GFOD1: variants seen among roughly 807,000 people sequenced by gnomAD.
GFOD1 encodes Gfo/Idh/MocA-like oxidoreductase domain containing 1, also known as glucose-fructose oxidoreductase domain-containing protein 1.
In GFOD1, 9 loss-of-function variants were observed where a neutral mutation model predicts 25.4. The ratio of observed to expected loss-of-function variants is 0.35; its 90% CI spans 0.21 to 0.62. The LOEUF (loss-of-function observed/expected upper bound fraction) is 0.62, where lower values mean the gene tolerates loss of function less well. Among genes scored for constraint, GFOD1 ranks in the 20% least tolerant of loss-of-function variants. GFOD1 has a pLI of 0.72. For missense variants in GFOD1, 403 were observed against 556.9 expected, an observed-to-expected ratio of 0.72 and a Z score of 2.78; for synonymous variants, 253 against 245.6, an observed-to-expected ratio of 1.03 and a Z score of -0.28.
intron 1 of GFOD1, among the ~76,000 whole-genome samples, chr6:13,433,027 C>T (rs1235377165): frequency 6.6e-6 from 1 of 152,166 alleles, no homozygotes; most frequent in Non-Finnish European, 1.5e-5. Context: ...TCATGCAGCC[C>T]CAGTCTACAT....
intron 1 of GFOD1, among the ~76,000 whole-genome samples, chr6:13,476,840 T>C (rs189114047): frequency 1.3e-5 from 2 of 152,282 alleles, no homozygotes; most frequent in Non-Finnish European, 2.9e-5. Flanking sequence ...TCAAGGAAAG[T>C]CTAAACCCCA....
intron 1 of GFOD1, among the ~76,000 whole-genome samples, chr6:13,483,547 A>G (rs551418769): frequency 6.6e-6 from 1 of 150,910 alleles, no homozygotes; most frequent in Non-Finnish European, 1.5e-5. Context: ...CAGTGTAGAT[A>G]GTGGCTAGAG....
At chr6:13,389,480 G>A (rs949893265) in intron 1 of GFOD1, among the ~76,000 whole-genome samples, 10 of 152,088 alleles carry the variant, frequency 6.6e-5, no homozygotes, top group Non-Finnish European at 1.3e-4. Context: ...GGATGAAGCT[G>A]GAAACCATCA....
intron 1 of GFOD1, among the ~76,000 whole-genome samples, chr6:13,442,106 C>T (rs1554203767): frequency 6.6e-6 from 1 of 152,210 alleles, no homozygotes; most frequent in Non-Finnish European, 1.5e-5. Context: ...CATGCAAACT[C>T]CATACAGACA....
intron 1 of GFOD1, among the ~76,000 whole-genome samples, chr6:13,457,107 G>A (rs372735930): frequency 4.6e-5 from 7 of 152,292 alleles, no homozygotes; most frequent in Admixed American, 2.0e-4. Flanking sequence ...GTCCACATCT[G>A]CCCAACACGG....
chr6:13,430,645 A>C lies in GFOD1; in HGVS notation c.253+55993T>G, dbSNP rs767237478. 1.3e-5 allele frequency among the ~76,000 whole-genome samples: 2 copies of C among 152,038 alleles called. No individual in the cohort carries two copies. Among genetic ancestry groups the C allele is most frequent in the Admixed American group, 6.6e-5 (1 of 15,264 alleles). ...TACAATGGGGAAGACTTAATGAAAG[A>C]AGCTCTTGGAGTCCACCTATGGCAG... On this transcript the variant is annotated intron_variant, in intron 1 of 1. Transcript: ENST00000379287. The surrounding 1 kb of genome is among the most constrained non-coding windows in gnomAD (Gnocchi z 4.1).
chr6:13,471,654 C>T (rs1758507859), intron 1 of GFOD1, among the ~76,000 whole-genome samples: 1 of 152,184 alleles, frequency 6.6e-6, no homozygotes, highest in South Asian at 2.1e-4. Context: ...CACCCATAGC[C>T]CAAGGTGGAG....
intron 1 of GFOD1, among the ~76,000 whole-genome samples, chr6:13,483,275 T>C (rs922818973): frequency 4.6e-5 from 7 of 151,866 alleles, no homozygotes; most frequent in East Asian, 1.9e-4. Flanking sequence ...AGGGCGAACA[T>C]GGAAGGAGAC....
chr6:13,476,071 C>G (rs925730385), intron 1 of GFOD1, among the ~76,000 whole-genome samples: 1 of 152,204 alleles, frequency 6.6e-6, no homozygotes, highest in Non-Finnish European at 1.5e-5. Context: ...CACTATACAA[C>G]TGAGCAATTT....
Position 13,477,955 on chromosome 6 carries a change from T to C in GFOD1, c.253+8683A>G, listed in dbSNP as rs368752974. ...CGCAAATGCCTGTAATCCCAGCTAC[T>C]TGGGAGACTGAGGCACAACAATTGC... is the stretch of plus-strand genomic sequence containing the variant. On this transcript the variant is annotated intron_variant, in intron 1 of 1. Transcript: ENST00000379287. 6.6e-5 allele frequency among the ~76,000 whole-genome samples: 10 copies of C among 151,944 alleles called. 1 individual carries two copies. The East Asian group carries it at 1.9e-3, about 30-fold the overall frequency.
chr6:13,450,299 C>T (rs1758072295), intron 1 of GFOD1, among the ~76,000 whole-genome samples: 1 of 152,192 alleles, frequency 6.6e-6, no homozygotes, highest in Admixed American at 6.5e-5. Flanking sequence ...GCCCAATCCT[C>T]TGTAGCATGA....
At chr6:13,461,566 G>A (rs997879289) in intron 1 of GFOD1, among the ~76,000 whole-genome samples, 6 of 152,058 alleles carry the variant, frequency 3.9e-5, no homozygotes, top group African/African-American at 7.2e-5. Context: ...TCCACCCTCC[G>A]CAGCAGGGTG....
At position 13,364,725 on chromosome 6, in the gene GFOD1, C is replaced by A. The variant is rs765327074; in HGVS notation, c.*18G>T. ...ATCCCCTGCAGAAGGCTCAAGTCCC[C>A]GAGGTTCTCAATCTGTGCTAACAGT... On this transcript the variant is annotated 3_prime_UTR_variant, in exon 2 of 2. Transcript: ENST00000379287. The surrounding 1 kb of genome is among the most constrained non-coding windows in gnomAD (Gnocchi z 4.1). 3 of 1,590,586 alleles carry A rather than the reference C, an allele frequency of 1.9e-6. No homozygotes were observed. The highest frequency in any genetic ancestry group is 2.7e-5 in the African/African-American group (2 of 74,612).
chr6:13,469,228 G>T, intron 1 of GFOD1: 1 of 985,156 alleles, frequency 1.0e-6, no homozygotes, highest in Non-Finnish European at 1.2e-6. Flanking sequence ...ACTCAGCCTG[G>T]AGCACACCAG....
At chr6:13,469,827 A>G (rs1455403611) in intron 1 of GFOD1, 1 of 1,126,936 alleles carries the variant, frequency 8.9e-7, no homozygotes, top group Non-Finnish European at 1.2e-6. Context: ...CTAAATGTCC[A>G]CATTGGAGGT....
In GFOD1 at chr6:13,486,847, C is replaced by T; in HGVS notation, c.44G>A (p.Arg15His). The T allele has an allele frequency of 6.2e-7, 1 of 1,613,206 alleles. No homozygotes were observed. The highest frequency in any genetic ancestry group is 8.5e-7 in the Non-Finnish European group (1 of 1,180,006). ...VGVFGTSLTA[R>H]VIIPLLKDEG... Reference sequence around the variant, plus strand: ...GTCTTTCAGCAGCGGGATGATGACACGGGCCGTGAGGCTGGTGCCGAACAC... The same window carrying T: ...GTCTTTCAGCAGCGGGATGATGACATGGGCCGTGAGGCTGGTGCCGAACAC... Residue 15 changes from arginine to histidine, a missense_variant, in exon 1 of 2, where the codon CGT becomes CAT. Coordinates refer to ENST00000379287, the MANE Select transcript of GFOD1 (RefSeq NM_018988.4).
intron 1 of GFOD1, among the ~76,000 whole-genome samples, chr6:13,419,891 G>A (rs1786224619): frequency 6.6e-6 from 1 of 152,190 alleles, no homozygotes; most frequent in Non-Finnish European, 1.5e-5. Context: ...CCCCATGGAG[G>A]CTGGCACTTT....
chr6:13,359,301 C>T lies in GFOD1; in HGVS notation c.*5442G>A, dbSNP rs1421858815. 1 of 152,310 alleles carries T rather than the reference C, an allele frequency of 6.6e-6. No individual in the cohort carries two copies. The highest frequency in any genetic ancestry group is 1.9e-4 in the East Asian group (1 of 5,202). The allele number at this position is 152,310 out of a possible 1,614,324, so 9.4% of individuals were successfully genotyped here. ...CCTCCTCTTTCTCCCCAAAAGGAAACTAAAATGTGGGGTTCTGATCATTGA... is the reference window on the plus strand; with the variant it reads ...CCTCCTCTTTCTCCCCAAAAGGAAATTAAAATGTGGGGTTCTGATCATTGA... On this transcript the variant is annotated 3_prime_UTR_variant, in exon 2 of 2. Coordinates refer to ENST00000379287, the MANE Select transcript of GFOD1 (RefSeq NM_018988.4).
intron 1 of GFOD1, among the ~76,000 whole-genome samples, chr6:13,439,962 A>G (rs539411215): frequency 1.3e-5 from 2 of 152,310 alleles, no homozygotes; most frequent in African/African-American, 4.8e-5. Context: ...GCACAAAAGC[A>G]AGTCAGTAGA....
Sources: gnomAD v4.1 joint callset for allele counts (sites outside exome capture counted in the v4.1 genomes callset) on GRCh38, gnomAD v4.1.1 for gene constraint, Gnocchi (gnomAD v3.1) non-coding constraint, MANE v1.5 for transcripts, NCBI Gene and HGNC (gene_info 2026-07-23, HGNC 2026-07-21) for gene names.